Variants in CDYL2 observed in about 807,000 individuals in gnomAD.
CDYL2 encodes chromodomain Y-like protein 2.
CDYL2 carries 23 observed loss-of-function variants against 49.4 expected under a neutral mutation model. The ratio of observed to expected loss-of-function variants is 0.47; its 90% CI spans 0.34 to 0.66. CDYL2 has a LOEUF of 0.66. Among genes scored for constraint, CDYL2 ranks in the 30% least tolerant of loss-of-function variants. CDYL2 has a pLI of 0.01. For synonymous variants in CDYL2, 360 were observed against 268.8 expected (o/e 1.34, Z -3.32); for missense variants, 678 against 656.4 (o/e 1.03, Z -0.36).
intron 1 of CDYL2, among the ~76,000 whole-genome samples, chr16:80,762,236 G>A (rs970303047): frequency 6.6e-6 from 1 of 152,068 alleles, no homozygotes; most frequent in African/African-American, 2.4e-5. Context: ...TTGTCCAGAA[G>A]CGCTAGGAAT....
chr16:80,632,888 A>C, intron 3 of CDYL2, 131 bp downstream of exon 3: 1 of 789,834 alleles, frequency 1.3e-6, no homozygotes, highest in Admixed American at 2.4e-5. Context: ...TGCGCGCTGC[A>C]GTCAAGTTTT....
chr16:80,730,928 T>A (rs1213111123), intron 1 of CDYL2, among the ~76,000 whole-genome samples: 2 of 151,950 alleles, frequency 1.3e-5, no homozygotes, highest in Non-Finnish European at 2.9e-5. Context: ...AGAAAACAGA[T>A]CAGTATGGTT....
At chr16:80,738,030 C>G (rs970015592) in intron 1 of CDYL2, among the ~76,000 whole-genome samples, 3 of 152,006 alleles carry the variant, frequency 2.0e-5, no homozygotes, top group Admixed American at 6.5e-5. Flanking sequence ...CCCCCAGCCC[C>G]CCGACAGGCC....
At chr16:80,662,308 T>A (rs564156497) in intron 2 of CDYL2, among the ~76,000 whole-genome samples, 1 of 152,288 alleles carries the variant, frequency 6.6e-6, no homozygotes, top group South Asian at 2.1e-4. Flanking sequence ...GCTTGAGACA[T>A]CAGAACACAG....
intron 3 of CDYL2, among the ~76,000 whole-genome samples, chr16:80,626,126 C>A (rs1279091594): frequency 6.8e-6 from 1 of 147,096 alleles, no homozygotes; most frequent in Admixed American, 7.3e-5. Flanking sequence ...CCCAACTCTC[C>A]TAAAAATACA....
chr16:80,671,016 A>G, intron 2 of CDYL2: 1 of 455,936 alleles, frequency 2.2e-6, no homozygotes, highest in Non-Finnish European at 4.4e-6. Flanking sequence ...TCTTCTAACC[A>G]GTCTAGGGTT....
At chr16:80,629,620 T>A (rs1348320724) in intron 3 of CDYL2, among the ~76,000 whole-genome samples, 4 of 152,158 alleles carry the variant, frequency 2.6e-5, no homozygotes, top group African/African-American at 4.8e-5. Flanking sequence ...TTTCTGTTCA[T>A]CTCCTGGTTC....
chr16:80,688,868 T>G (rs903044172), intron 1 of CDYL2, among the ~76,000 whole-genome samples: 1 of 151,994 alleles, frequency 6.6e-6, no homozygotes, highest in Non-Finnish European at 1.5e-5. Flanking sequence ...CCTCCAAACT[T>G]CCTGCACTGT....
Position 80,799,854 on chromosome 16 carries a change from T to C in CDYL2, c.24+4296A>G, listed in dbSNP as rs139364843. On this transcript the variant is annotated intron_variant, in intron 1 of 6. Transcript: ENST00000570137. The stretch of plus-strand genomic sequence containing the variant: ...TCTACGTGCCCAAGAATCAATCCAA[T>C]CCAACTGATAACATTTTCTCTGAAG... 2.2e-3 allele frequency among the ~76,000 whole-genome samples: 330 copies of C among 152,300 alleles called. 3 individuals carry two copies. The highest frequency in any genetic ancestry group is 7.7e-3 in the African/African-American group (318 of 41,560).
At chr16:80,787,747 T>C (rs1907483512) in intron 1 of CDYL2, among the ~76,000 whole-genome samples, 1 of 152,198 alleles carries the variant, frequency 6.6e-6, no homozygotes. Flanking sequence ...GAAAAATAGT[T>C]TTATATATCT....
intron 3 of CDYL2, among the ~76,000 whole-genome samples, chr16:80,627,261 A>G (rs1352303959): frequency 6.6e-6 from 1 of 152,064 alleles, no homozygotes; most frequent in African/African-American, 2.4e-5. Context: ...ACTCTCACCT[A>G]TACATGAACT....
intron 1 of CDYL2, among the ~76,000 whole-genome samples, chr16:80,771,351 T>C (rs1357066138): frequency 6.6e-6 from 1 of 152,194 alleles, no homozygotes; most frequent in East Asian, 1.9e-4. Context: ...ACACACACCT[T>C]AAAATAAGGA....
intron 1 of CDYL2, among the ~76,000 whole-genome samples, chr16:80,759,746 G>T (rs1048607695): frequency 6.6e-6 from 1 of 152,168 alleles, no homozygotes; most frequent in African/African-American, 2.4e-5. Flanking sequence ...ACACACGACT[G>T]CATAACAACA....
intron 1 of CDYL2, among the ~76,000 whole-genome samples, chr16:80,740,563 A>G (rs1905699126): frequency 6.6e-6 from 1 of 152,226 alleles, no homozygotes; most frequent in Non-Finnish European, 1.5e-5. Flanking sequence ...GAAGTGATCT[A>G]TACAAAAGAA....
intron 2 of CDYL2, among the ~76,000 whole-genome samples, chr16:80,634,034 G>T (rs1321765391): frequency 6.6e-6 from 1 of 151,514 alleles, no homozygotes; most frequent in Non-Finnish European, 1.5e-5. Context: ...GATATAGGAA[G>T]AGGCTCAAAT....
intron 1 of CDYL2, among the ~76,000 whole-genome samples, chr16:80,729,129 T>C (rs1430294693): frequency 2.0e-5 from 3 of 152,160 alleles, no homozygotes; most frequent in Non-Finnish European, 4.4e-5. Flanking sequence ...ATGGACTAAA[T>C]GCTCCAATTA....
intron 2 of CDYL2, among the ~76,000 whole-genome samples, chr16:80,675,724 A>G (rs138605992): frequency 0.023 from 3,340 of 142,412 alleles, 48 homozygotes; most frequent in African/African-American, 0.041. Context: ...ACCCTCAATA[A>G]GGAGAGCGGC....
At chr16:80,679,717 A>G (rs1384166610) in intron 2 of CDYL2, 1 of 456,120 alleles carries the variant, frequency 2.2e-6, no homozygotes, top group South Asian at 1.5e-5. Context: ...AAGCACTTCA[A>G]GTTTCCTCAA....
Position 80,700,673 on chromosome 16 carries a change from A to G in CDYL2, c.25-15544T>C, listed in dbSNP as rs1904295693. The stretch of plus-strand genomic sequence containing the variant: ...TGTTGGCAAGGATGTGGGCATACGA[A>G]TAGCTATATATGTTCTTAGCATATG... On this transcript the variant is annotated intron_variant, in intron 1 of 6. Transcript: ENST00000570137. Among the ~76,000 whole-genome samples the G allele has an allele frequency of 2.6e-5, 4 of 152,238 alleles. No individual in the cohort carries two copies. In the South Asian group the frequency reaches 8.3e-4, roughly 32 times the overall value.
Sources: allele counts gnomAD v4.1 joint callset (sites outside exome capture counted in the v4.1 genomes callset), GRCh38; gene constraint gnomAD v4.1.1; transcripts MANE v1.5; gene names NCBI Gene and HGNC (gene_info 2026-07-23, HGNC 2026-07-21).